The following MYO3A variants were observed in gnomAD, a reference collection of about 807,000 sequenced individuals.
The protein encoded by MYO3A is myosin IIIA.
Under a neutral mutation model 192.7 loss-of-function variants are expected in MYO3A, and 180 were observed. That is an observed-to-expected ratio of 0.93 (90% CI 0.83 to 1.06). The LOEUF is 1.06. MYO3A is among the 50% of genes least tolerant of loss of function. The pLI, the probability that MYO3A is intolerant of heterozygous loss-of-function variation, is 0.00. For synonymous variants in MYO3A, 628 were observed against 645.3 expected (o/e 0.97, Z 0.41); for missense variants, 1,896 against 1,905.0 (o/e 1.00, Z 0.09).
At chr10:26,098,876 A>G (rs574176673) in intron 17 of MYO3A, among the ~76,000 whole-genome samples, 2 of 152,204 alleles carry the variant, frequency 1.3e-5, no homozygotes, top group Admixed American at 6.5e-5. Context: ...TTTGGCTTAG[A>G]ATTGTCTTGG....
intron 9 of MYO3A, among the ~76,000 whole-genome samples, chr10:26,025,514 G>A (rs1842501000): frequency 6.6e-6 from 1 of 152,096 alleles, no homozygotes; most frequent in South Asian, 2.1e-4. Flanking sequence ...AATCAAAATA[G>A]TATTTCCTAA....
rs1227740795 is a variant in MYO3A at position 26,026,540 on chromosome 10, A to G, written c.953+8A>G. The G allele has an allele frequency of 1.2e-6, 2 of 1,613,854 alleles. No homozygotes were observed. On this transcript the variant is annotated splice_region_variant and intron_variant, in intron 10 of 34. Transcript: ENST00000642920. Reference sequence around the variant, plus strand: ...AGGCACAGAAAAGGCCAGGTAATCAAATAATATCTTGATTCCAAAATCCAG... The same window carrying G: ...AGGCACAGAAAAGGCCAGGTAATCAGATAATATCTTGATTCCAAAATCCAG...
At chr10:26,017,090 C>T (rs2131048658) in intron 7 of MYO3A, among the ~76,000 whole-genome samples, 194 bp downstream of exon 7, 1 of 152,116 alleles carries the variant, frequency 6.6e-6, no homozygotes, top group African/African-American at 2.4e-5. Flanking sequence ...TGAATGAACA[C>T]GAGTCAATGA....
intron 30 of MYO3A, 90 bp from the exon 31 acceptor site, chr10:26,176,611 T>A: frequency 8.5e-7 from 1 of 1,180,964 alleles, no homozygotes; most frequent in Non-Finnish European, 1.2e-6. Flanking sequence ...TCCCCAAGAG[T>A]GCTGGTAAGG....
intron 6 of MYO3A, among the ~76,000 whole-genome samples, chr10:26,004,680 A>G (rs1841072572): frequency 6.6e-6 from 1 of 152,142 alleles, no homozygotes; most frequent in African/African-American, 2.4e-5. Context: ...AAATACTCAA[A>G]TAATGATGGA....
chr10:26,170,596 G>A, intron 29 of MYO3A, 57 bp downstream of exon 29: 1 of 1,544,470 alleles, frequency 6.5e-7, no homozygotes, highest in Non-Finnish European at 8.8e-7. Flanking sequence ...AGATCTGTAA[G>A]GTCATAGAAT....
At chr10:26,201,342 T>G (rs1238824324) in intron 33 of MYO3A, 37 bp downstream of exon 33, 1 of 1,462,168 alleles carries the variant, frequency 6.8e-7, no homozygotes. Context: ...AGTCATCTTA[T>G]TCAAACAAAA....
intron 10 of MYO3A, among the ~76,000 whole-genome samples, chr10:26,040,082 A>C (rs1843260123): frequency 6.6e-6 from 1 of 151,098 alleles, no homozygotes; most frequent in Admixed American, 6.6e-5. Flanking sequence ...CGAAAATTAT[A>C]ATTTTTATTT....
At chr10:26,092,335 A>G (rs1306867788) in intron 15 of MYO3A, among the ~76,000 whole-genome samples, 4 of 152,006 alleles carry the variant, frequency 2.6e-5, no homozygotes, top group African/African-American at 9.7e-5. Flanking sequence ...GTGTGGTGGC[A>G]GGCGCCTGTA....
chr10:25,985,031 A>T (rs923586746), intron 4 of MYO3A, among the ~76,000 whole-genome samples: 47 of 152,178 alleles, frequency 3.1e-4, no homozygotes, highest in African/African-American at 1.1e-3. Flanking sequence ...TGAGCTCAGG[A>T]GTTTGCAGCC....
At chr10:26,187,116 A>G (rs1246325313) in intron 31 of MYO3A, among the ~76,000 whole-genome samples, 1 of 152,202 alleles carries the variant, frequency 6.6e-6, no homozygotes, top group Non-Finnish European at 1.5e-5. Flanking sequence ...TCTAAGCTGA[A>G]ATGAAATCAC....
At chr10:25,946,650 C>T (rs954009181) in intron 2 of MYO3A, among the ~76,000 whole-genome samples, 6 of 151,158 alleles carry the variant, frequency 4.0e-5, no homozygotes, top group South Asian at 2.1e-4. Flanking sequence ...GAGGCCGAGG[C>T]GGGTGGATCA....
intron 27 of MYO3A, among the ~76,000 whole-genome samples, chr10:26,166,601 A>G (rs1841766271): frequency 6.6e-6 from 1 of 152,270 alleles, no homozygotes; most frequent in Admixed American, 6.5e-5. Flanking sequence ...TTGAAGATTT[A>G]TCAAAAAAGG....
At chr10:26,036,103 T>G (rs1236000379) in intron 10 of MYO3A, among the ~76,000 whole-genome samples, 3 of 151,952 alleles carry the variant, frequency 2.0e-5, no homozygotes, top group Non-Finnish European at 4.4e-5. Context: ...CTGGCTAATT[T>G]TTTTTGTATT....
intron 34 of MYO3A, among the ~76,000 whole-genome samples, chr10:26,211,041 C>G (rs1382483838): frequency 6.6e-6 from 1 of 152,090 alleles, no homozygotes; most frequent in Non-Finnish European, 1.5e-5. Context: ...TTCTGTGTAG[C>G]CTCTCACCCC....
intron 2 of MYO3A, among the ~76,000 whole-genome samples, chr10:25,949,849 G>A (rs866176359): frequency 4.6e-5 from 7 of 151,852 alleles, no homozygotes; most frequent in African/African-American, 1.5e-4. Flanking sequence ...AACATTTACC[G>A]TATTTTCTAG....
chr10:26,062,730 A>G (rs1033618422), intron 10 of MYO3A, among the ~76,000 whole-genome samples: 1 of 152,120 alleles, frequency 6.6e-6, no homozygotes, highest in Non-Finnish European at 1.5e-5. Flanking sequence ...TCAACTGAGA[A>G]TATGGATCTG....
chr10:26,085,611 G>C (rs1170502962), intron 14 of MYO3A, among the ~76,000 whole-genome samples: 1 of 152,186 alleles, frequency 6.6e-6, no homozygotes, highest in Non-Finnish European at 1.5e-5. Context: ...CAGGGTGCAA[G>C]GTGCCACCTC....
chr10:26,210,877 A>T (rs1844192828), intron 34 of MYO3A, among the ~76,000 whole-genome samples: 1 of 151,668 alleles, frequency 6.6e-6, no homozygotes, highest in South Asian at 2.1e-4. Flanking sequence ...GCCCTTCCCC[A>T]CGAGATCTGC....
Sources: allele counts gnomAD v4.1 joint callset (sites outside exome capture counted in the v4.1 genomes callset), GRCh38; gene constraint gnomAD v4.1.1; transcripts MANE v1.5; gene names NCBI Gene and HGNC (gene_info 2026-07-23, HGNC 2026-07-21).